The following ERCC1 variants were observed in gnomAD, a reference collection of about 807,000 sequenced individuals.
ERCC1 encodes ERCC excision repair 1, endonuclease non-catalytic subunit, also known as DNA excision repair protein ERCC-1.
A neutral mutation model predicts 37.6 loss-of-function variants in ERCC1; 36 were observed. The ratio of observed to expected loss-of-function variants is 0.96; its 90% CI spans 0.73 to 1.26. The LOEUF (loss-of-function observed/expected upper bound fraction) is 1.26, where lower values mean the gene tolerates loss of function less well. ERCC1 is among the 50% of genes most tolerant of loss of function. ERCC1 has a pLI of 0.00. For synonymous variants in ERCC1, 156 were observed against 162.1 expected (o/e 0.96, Z 0.28); for missense variants, 349 against 376.5 (o/e 0.93, Z 0.60).
At chr19:45,423,189 C>T in intron 2 of ERCC1, 81 bp downstream of exon 2, 1 of 1,403,780 alleles carries the variant, frequency 7.1e-7, no homozygotes, top group South Asian at 1.2e-5. Flanking sequence ...TAACCCACAC[C>T]CTGGTCCCAC....
At chr19:45,447,049 C>T (rs1390146970) in intron 1 of ERCC1, among the ~76,000 whole-genome samples, 1 of 152,004 alleles carries the variant, frequency 6.6e-6, no homozygotes, top group Non-Finnish European at 1.5e-5. Flanking sequence ...AATGCTGGCC[C>T]AGGACACTTG....
rs1196073231 is a variant in ERCC1 at position 45,408,976 on chromosome 19, G to A, written c.*699C>T. 4 of 1,614,102 alleles carry A rather than the reference G, an allele frequency of 2.5e-6. No individual in the cohort carries two copies. The South Asian group carries it at 4.4e-5, about 18-fold the overall frequency. On this transcript the variant is annotated 3_prime_UTR_variant, in exon 10 of 10. Transcript: ENST00000300853. ...AGAAGAGGAAAAAAGAAAAGGGACA[G>A]ATGGCAATGATGGAGCCAGGGACGG...
chr19:45,439,911 A>C (rs1183367934), intron 1 of ERCC1, among the ~76,000 whole-genome samples: 1 of 152,006 alleles, frequency 6.6e-6, no homozygotes, highest in African/African-American at 2.4e-5. Context: ...CGCCGCGTCC[A>C]TTTTTACCCC....
At position 45,407,628 on chromosome 19, in the gene ERCC1, G is replaced by T; in HGVS notation, c.*2047C>A. 1 of 274,014 alleles carries T rather than the reference G, an allele frequency of 3.6e-6. No homozygotes were observed. The highest frequency in any genetic ancestry group is 6.1e-5 in the East Asian group (1 of 16,456). The allele number at this position is 274,014 out of a possible 1,614,324, so 17.0% of individuals were successfully genotyped here. A position where few individuals can be genotyped will look rare whatever the true frequency, so the allele number is the denominator to read the frequency against. On this transcript the variant is annotated 3_prime_UTR_variant, in exon 10 of 10. Coordinates refer to ENST00000300853, the MANE Select transcript of ERCC1 (RefSeq NM_001983.4). ...CTGCAGGCTTGGTGGAACATGTTCT[G>T]TATGGCCATAAATATTCTGTAATTA... is the stretch of plus-strand genomic sequence containing the variant.
chr19:45,440,108 A>C (rs2123600639), intron 1 of ERCC1, among the ~76,000 whole-genome samples: 1 of 147,332 alleles, frequency 6.8e-6, no homozygotes, highest in Non-Finnish European at 1.5e-5. Flanking sequence ...TGGCGGTCAC[A>C]CTCGCCCCCG....
chr19:45,441,636 A>G (rs548453075), intron 1 of ERCC1, among the ~76,000 whole-genome samples: 2 of 151,926 alleles, frequency 1.3e-5, no homozygotes, highest in East Asian at 3.9e-4. Flanking sequence ...CGGCCTCCCA[A>G]AGTGCCGGGA....
At chr19:45,443,257 G>C (rs1183307776) in intron 1 of ERCC1, among the ~76,000 whole-genome samples, 1 of 152,102 alleles carries the variant, frequency 6.6e-6, no homozygotes, top group African/African-American at 2.4e-5. Context: ...TCCGCCCAGG[G>C]GCTGCAAGGA....
At chr19:45,427,275 G>A (rs1364910996), upstream of ERCC1, among the ~76,000 whole-genome samples, 2 of 152,176 alleles carry the variant, frequency 1.3e-5, no homozygotes, top group African/African-American at 4.8e-5. Context: ...CTAGTAGGAA[G>A]GAAGGAGAAT....
chr19:45,428,281 T>TGG (rs199520174), upstream of ERCC1, among the ~76,000 whole-genome samples: 8 of 18,004 alleles, frequency 4.4e-4, no homozygotes, highest in African/African-American at 2.2e-3. Flanking sequence ...GGCGTGGGGG[T>TGG]GGGGGGGTGG....
intron 1 of ERCC1, among the ~76,000 whole-genome samples, chr19:45,435,381 C>T (rs1008689325): frequency 2.6e-5 from 4 of 152,230 alleles, no homozygotes; most frequent in African/African-American, 9.6e-5. Flanking sequence ...TCCAAGGCCA[C>T]ATAGCAGGTA....
chr19:45,424,922 C>CTTTT (rs986137310), upstream of ERCC1, among the ~76,000 whole-genome samples: 121 of 121,898 alleles, frequency 9.9e-4, 4 homozygotes, highest in African/African-American at 3.8e-3. Context: ...TCTTTTTTTT[C>CTTTT]TTTTTTTTTT....
intron 1 of ERCC1, chr19:45,450,557 T>C: frequency 6.6e-6 from 1 of 152,040 alleles, no homozygotes. Flanking sequence ...ATCAACTGAG[T>C]TCAGGAGTTC....
At chr19:45,430,377 C>T (rs1485689201) in intron 1 of ERCC1, among the ~76,000 whole-genome samples, 1 of 152,156 alleles carries the variant, frequency 6.6e-6, no homozygotes, top group Non-Finnish European at 1.5e-5. Context: ...ATTATTATCA[C>T]CGCCATCCCT....
chr19:45,428,083 C>CTTTCTTTT (rs1555790018), upstream of ERCC1, among the ~76,000 whole-genome samples: 3 of 116,018 alleles, frequency 2.6e-5, no homozygotes, highest in African/African-American at 3.8e-5. Context: ...TTCTTTCTTT[C>CTTTCTTTT]TTTTTTTTTT....
At chr19:45,439,956 G>A (rs1160753406) in intron 1 of ERCC1, among the ~76,000 whole-genome samples, 1 of 152,146 alleles carries the variant, frequency 6.6e-6, no homozygotes, top group Non-Finnish European at 1.5e-5. Flanking sequence ...GCTCCGAGCC[G>A]AGCCCGAAAT....
At chr19:45,438,534 C>T (rs59224446) in intron 1 of ERCC1, among the ~76,000 whole-genome samples, 11,988 of 152,228 alleles carry the variant, frequency 0.079, 1,535 homozygotes, top group African/African-American at 0.27. Flanking sequence ...AATCTCGGCT[C>T]ACTGCAACCT....
intron 1 of ERCC1, among the ~76,000 whole-genome samples, chr19:45,436,397 C>T (rs891493323): frequency 6.6e-5 from 10 of 151,934 alleles, no homozygotes; most frequent in East Asian, 1.9e-4. Flanking sequence ...GAGGCCGAGG[C>T]GGGCGGATCA....
In ERCC1 at chr19:45,423,867, G is replaced by A. The variant is rs1423254145; in HGVS notation, c.-94C>T. On this transcript the variant is annotated 5_prime_UTR_variant, in exon 1 of 10. Coordinates refer to ENST00000300853, the MANE Select transcript of ERCC1 (RefSeq NM_001983.4). ...AAGGGAAAGACTGCAGAGGGATCGA[G>A]GCGGCCCACTGCCAGCACGGCCAGC... The A allele has an allele frequency of 9.0e-7, 1 of 1,109,520 alleles. No individual in the cohort carries two copies. The highest frequency in any genetic ancestry group is 1.6e-5 in the African/African-American group (1 of 62,516). 68.7% of individuals were successfully genotyped at this position (1,109,520 alleles called of 1,614,324 possible).
chr19:45,427,224 C>T (rs1456036708), upstream of ERCC1, among the ~76,000 whole-genome samples: 1 of 152,086 alleles, frequency 6.6e-6, no homozygotes, highest in Admixed American at 6.6e-5. Flanking sequence ...TTGTTTCTTG[C>T]AATGTTAGAA....
Sources: allele counts gnomAD v4.1 joint callset (sites outside exome capture counted in the v4.1 genomes callset), GRCh38; gene constraint gnomAD v4.1.1; transcripts MANE v1.5; gene names NCBI Gene and HGNC (gene_info 2026-07-23, HGNC 2026-07-21).